NKAIN2: variants seen among roughly 807,000 people sequenced by gnomAD.
NKAIN2 encodes the protein sodium/potassium-transporting ATPase subunit beta-1-interacting protein 2.
NKAIN2 carries 14 observed loss-of-function variants against 32.6 expected under a neutral mutation model. The ratio of observed to expected loss-of-function variants is 0.43; its 90% CI spans 0.28 to 0.67. The LOEUF is 0.67. NKAIN2 is among the 30% of genes least tolerant of loss of function. The pLI is 0.17. For missense variants in NKAIN2, 198 were observed against 258.3 expected, an observed-to-expected ratio of 0.77 and a Z score of 1.60; for synonymous variants, 80 against 87.2, an observed-to-expected ratio of 0.92 and a Z score of 0.46.
intron 3 of NKAIN2, among the ~76,000 whole-genome samples, chr6:124,356,414 T>C (rs1798980011): frequency 6.6e-6 from 1 of 152,204 alleles, no homozygotes; most frequent in African/African-American, 2.4e-5. Context: ...ATCATTTTGA[T>C]TTGTTTTTAT....
chr6:123,859,879 C>T (rs531270297), intron 1 of NKAIN2, among the ~76,000 whole-genome samples: 14 of 152,106 alleles, frequency 9.2e-5, no homozygotes, highest in East Asian at 3.9e-4. Flanking sequence ...TTAGTAGAAA[C>T]GGAGTTTTGC....
At chr6:124,197,836 G>GTT (rs1562416734) in intron 1 of NKAIN2, among the ~76,000 whole-genome samples, 87 of 82,602 alleles carry the variant, frequency 1.1e-3, no homozygotes, top group African/African-American at 3.4e-3. Flanking sequence ...ACCTGTGTCT[G>GTT]GTTTTTTTTT....
At chr6:123,890,140 C>A (rs568005760) in intron 1 of NKAIN2, among the ~76,000 whole-genome samples, 3 of 151,984 alleles carry the variant, frequency 2.0e-5, no homozygotes, top group Non-Finnish European at 4.4e-5. Flanking sequence ...CAGTTTATTA[C>A]CTCATGTAAA....
At chr6:124,597,273 AC>A (rs1782129526) in intron 3 of NKAIN2, among the ~76,000 whole-genome samples, 1 of 152,100 alleles carries the variant, frequency 6.6e-6, no homozygotes, top group African/African-American at 2.4e-5. Flanking sequence ...TTAGGTTGAA[AC>A]TTTATATAGC....
chr6:124,769,908 T>C (rs1357071948), intron 4 of NKAIN2, among the ~76,000 whole-genome samples: 2 of 152,186 alleles, frequency 1.3e-5, no homozygotes, highest in African/African-American at 4.8e-5. Context: ...TAGAGAAATG[T>C]GGAAGAGGGA....
At chr6:123,822,782 A>G (rs779373086) in intron 1 of NKAIN2, among the ~76,000 whole-genome samples, 3 of 152,160 alleles carry the variant, frequency 2.0e-5, no homozygotes, top group Non-Finnish European at 2.9e-5. Context: ...ACTTTGCACA[A>G]ATTATTTCTC....
chr6:124,042,518 T>C (rs1781914694), intron 1 of NKAIN2, among the ~76,000 whole-genome samples: 1 of 152,088 alleles, frequency 6.6e-6, no homozygotes, highest in African/African-American at 2.4e-5. Context: ...GGCTTCAATA[T>C]TCACTTTACT....
chr6:123,944,179 T>C (rs1052510329), intron 1 of NKAIN2, among the ~76,000 whole-genome samples: 4 of 152,076 alleles, frequency 2.6e-5, no homozygotes, highest in Admixed American at 6.6e-5. Context: ...GTGCCTTTCT[T>C]AGTTTCTGAT....
At chr6:124,193,487 G>A (rs1166654261) in intron 1 of NKAIN2, among the ~76,000 whole-genome samples, 1 of 152,136 alleles carries the variant, frequency 6.6e-6, no homozygotes, top group Non-Finnish European at 1.5e-5. Flanking sequence ...CCAGAAACTT[G>A]GAGACACCAG....
intron 5 of NKAIN2, among the ~76,000 whole-genome samples, chr6:124,810,970 A>T (rs1307920310): frequency 1.3e-5 from 2 of 151,496 alleles, no homozygotes; most frequent in Non-Finnish European, 2.9e-5. Flanking sequence ...GCCCAGACTG[A>T]ACACCTCAAG....
At chr6:124,131,421 A>G (rs1786470142) in intron 1 of NKAIN2, among the ~76,000 whole-genome samples, 1 of 152,220 alleles carries the variant, frequency 6.6e-6, no homozygotes, top group Non-Finnish European at 1.5e-5. Flanking sequence ...AGAACAGTGT[A>G]TAGAAATTCA....
At chr6:124,256,115 C>T (rs959988846) in intron 1 of NKAIN2, among the ~76,000 whole-genome samples, 2 of 152,066 alleles carry the variant, frequency 1.3e-5, no homozygotes, top group Admixed American at 1.3e-4. Flanking sequence ...AGTCAGTTGG[C>T]AAAAAGGAAG....
At chr6:123,886,403 A>G (rs1217020527) in intron 1 of NKAIN2, among the ~76,000 whole-genome samples, 1 of 152,112 alleles carries the variant, frequency 6.6e-6, no homozygotes, top group Admixed American at 6.5e-5. Context: ...CCCAGTACAT[A>G]GTGTTAAATA....
intron 3 of NKAIN2, among the ~76,000 whole-genome samples, chr6:124,372,980 A>T (rs757104996): frequency 1.3e-5 from 2 of 152,174 alleles, no homozygotes; most frequent in Non-Finnish European, 2.9e-5. Context: ...GTATGATATG[A>T]TTCAAATTAT....
chr6:124,404,174 G>A (rs930660453), intron 3 of NKAIN2, among the ~76,000 whole-genome samples: 54 of 152,182 alleles, frequency 3.5e-4, no homozygotes, highest in African/African-American at 1.2e-3. Context: ...TTGCTTGCCT[G>A]GGGGTGCTGC....
intron 3 of NKAIN2, among the ~76,000 whole-genome samples, chr6:124,412,618 G>T (rs1347315271): frequency 6.6e-6 from 1 of 152,176 alleles, no homozygotes; most frequent in Non-Finnish European, 1.5e-5. Flanking sequence ...CTACTCAGGG[G>T]TCGGGGACCC....
chr6:124,132,607 G>A (rs892273716), intron 1 of NKAIN2, among the ~76,000 whole-genome samples: 3 of 152,240 alleles, frequency 2.0e-5, no homozygotes, highest in African/African-American at 7.2e-5. Context: ...GAGGTCCTGA[G>A]TCTGTCCATG....
At chr6:124,704,243 A>G (rs1239439834) in intron 4 of NKAIN2, among the ~76,000 whole-genome samples, 1 of 152,030 alleles carries the variant, frequency 6.6e-6, no homozygotes, top group African/African-American at 2.4e-5. Context: ...ATTTCTTGAA[A>G]CAATACCATG....
rs1347481423 is a variant in NKAIN2 at position 124,730,510 on chromosome 6, G to T, written c.475-60829G>T. ...GCTGGGAAAACTGGCTAGCCATATG[G>T]AGAAAGCTGAAACTGGATCCCTTCC... On this transcript the variant is annotated intron_variant, in intron 4 of 6. Coordinates refer to ENST00000368417, the MANE Select transcript of NKAIN2 (RefSeq NM_001040214.3). Among the ~76,000 whole-genome samples, 396 of 122,446 alleles carry T rather than the reference G, an allele frequency of 3.2e-3. 1 individual carries two copies. Among genetic ancestry groups the T allele is most frequent in the Non-Finnish European group, 5.6e-3 (328 of 58,646 alleles). 80.3% of individuals were successfully genotyped at this position (122,446 alleles called of 152,430 possible).
Sources: allele counts gnomAD v4.1 joint callset (sites outside exome capture counted in the v4.1 genomes callset), GRCh38; gene constraint gnomAD v4.1.1; transcripts MANE v1.5; gene names NCBI Gene and HGNC (gene_info 2026-07-23, HGNC 2026-07-21).